ATP13A4: variants seen among roughly 807,000 people sequenced by gnomAD.
The protein encoded by ATP13A4 is ATPase 13A4.
A neutral mutation model predicts 142.5 loss-of-function variants in ATP13A4; 114 were observed. The ratio of observed to expected loss-of-function variants is 0.80; its 90% CI spans 0.69 to 0.93. The LOEUF is 0.93. ATP13A4 is among the 40% of genes least tolerant of loss of function. ATP13A4 has a pLI of 0.00. For synonymous variants in ATP13A4, 488 were observed against 514.8 expected (o/e 0.95, Z 0.70); for missense variants, 1,392 against 1,454.0 (o/e 0.96, Z 0.69).
intron 25 of ATP13A4, among the ~76,000 whole-genome samples, chr3:193,420,508 T>A (rs1715352119): frequency 6.7e-6 from 1 of 149,742 alleles, no homozygotes; most frequent in Admixed American, 6.9e-5. Flanking sequence ...AATTCTCCAG[T>A]AACTGACCCC....
intron 1 of ATP13A4, among the ~76,000 whole-genome samples, chr3:193,554,033 G>A (rs768560274): frequency 1.3e-5 from 2 of 152,154 alleles, no homozygotes; most frequent in Non-Finnish European, 2.9e-5. Context: ...ACTCTCTCTT[G>A]ATTATATTGT....
rs747935072 is a variant in ATP13A4 at position 193,465,142 on chromosome 3, A to C, written c.1273-14T>G. Reference sequence around the variant, plus strand: ...CTCTGGAGGTTCCTGGACGACAGTCATTCTTTAATTATTACAGACAAATCT... The same window carrying C: ...CTCTGGAGGTTCCTGGACGACAGTCCTTCTTTAATTATTACAGACAAATCT... On this transcript the variant is annotated splice_polypyrimidine_tract_variant and intron_variant, in intron 11 of 29. Transcript: ENST00000342695. 6.2e-7 allele frequency: 1 copy of C among 1,612,480 alleles called. No homozygotes were observed. The highest frequency in any genetic ancestry group is 1.3e-5 in the African/African-American group (1 of 74,812).
chr3:193,559,735 C>T (rs147457505), upstream of ATP13A4, among the ~76,000 whole-genome samples: 3 of 152,286 alleles, frequency 2.0e-5, no homozygotes, highest in East Asian at 5.8e-4. Flanking sequence ...GGTCTGTTCT[C>T]CCAGTGCCTT....
chr3:193,485,497 A>G (rs1433556293), intron 7 of ATP13A4, among the ~76,000 whole-genome samples: 1 of 152,232 alleles, frequency 6.6e-6, no homozygotes, highest in Non-Finnish European at 1.5e-5. Flanking sequence ...GGAGACGTCC[A>G]GAGGCTGAGT....
chr3:193,480,829 C>T (rs2108656170), intron 8 of ATP13A4, among the ~76,000 whole-genome samples: 1 of 152,268 alleles, frequency 6.6e-6, no homozygotes. Flanking sequence ...CTTGCATGTG[C>T]ATGTCTAGAG....
At chr3:193,554,462 G>A (rs968831952) in intron 1 of ATP13A4, 2 of 508,980 alleles carry the variant, frequency 3.9e-6, no homozygotes. Context: ...TAAAGTGCAT[G>A]GTGCTTCTCT....
chr3:193,529,581 T>G (rs550433646), intron 1 of ATP13A4, among the ~76,000 whole-genome samples: 46 of 150,978 alleles, frequency 3.0e-4, no homozygotes, highest in African/African-American at 1.1e-3. Context: ...TGTGCAAGAG[T>G]GCCAAAATGC....
At chr3:193,570,302 T>C (rs960625245) in intron 2 of ATP13A4, among the ~76,000 whole-genome samples, 5 of 152,168 alleles carry the variant, frequency 3.3e-5, no homozygotes, top group Non-Finnish European at 5.9e-5. Flanking sequence ...GCCTGGGCAA[T>C]AGATTGAGAC....
chr3:193,527,852 G>C (rs1225183698), intron 1 of ATP13A4, among the ~76,000 whole-genome samples: 1 of 152,134 alleles, frequency 6.6e-6, no homozygotes, highest in Non-Finnish European at 1.5e-5. Context: ...TTGTCCATCT[G>C]TAACAGAGAG....
intron 10 of ATP13A4, among the ~76,000 whole-genome samples, chr3:193,467,092 C>T (rs1718335433): frequency 6.6e-6 from 1 of 151,970 alleles, no homozygotes; most frequent in Admixed American, 6.6e-5. Flanking sequence ...GGAATAGATA[C>T]CCCCTTCTCC....
At chr3:193,452,872 G>A (rs1717364863) in intron 17 of ATP13A4, among the ~76,000 whole-genome samples, 1 of 151,202 alleles carries the variant, frequency 6.6e-6, no homozygotes, top group Admixed American at 6.6e-5. Context: ...TAAACACAAA[G>A]TATTTTTCAC....
At chr3:193,589,094 T>C (rs1407963787) in intron 1 of ATP13A4, among the ~76,000 whole-genome samples, 4 of 152,076 alleles carry the variant, frequency 2.6e-5, no homozygotes, top group African/African-American at 4.8e-5. Context: ...GAGCCGAGAT[T>C]GTGCCACTGC....
intron 1 of ATP13A4, among the ~76,000 whole-genome samples, chr3:193,522,194 T>C (rs1220675251): frequency 6.6e-6 from 1 of 152,208 alleles, no homozygotes; most frequent in African/African-American, 2.4e-5. Context: ...TGTCAGCTAC[T>C]GCCTATGGAA....
intron 17 of ATP13A4, among the ~76,000 whole-genome samples, chr3:193,450,289 C>T (rs1160636078): frequency 6.6e-6 from 1 of 152,182 alleles, no homozygotes; most frequent in Admixed American, 6.5e-5. Flanking sequence ...GTGCTCAACA[C>T]CACTCATGCG....
Position 193,466,407 on chromosome 3 carries a change from A to G in ATP13A4, c.1115-225T>C, listed in dbSNP as rs936426505. On this transcript the variant is annotated intron_variant, in intron 10 of 29. Coordinates refer to ENST00000342695, the MANE Select transcript of ATP13A4 (RefSeq NM_032279.4). The stretch of plus-strand genomic sequence containing the variant: ...TTCCTTCCCTCTACTTCCAATTTCA[A>G]TGCATCCTGGAGATAGAAAACCGCC... 1.8e-4 allele frequency among the ~76,000 whole-genome samples: 27 copies of G among 152,216 alleles called. 2 individuals carry two copies. Among genetic ancestry groups the G allele is most frequent in the Admixed American group, 6.5e-4 (10 of 15,280 alleles).
chr3:193,532,378 C>T (rs1204706630), intron 1 of ATP13A4, among the ~76,000 whole-genome samples: 3 of 148,812 alleles, frequency 2.0e-5, no homozygotes, highest in Non-Finnish European at 4.4e-5. Context: ...TCTTTCTATT[C>T]ACTGTGGCAT....
At chr3:193,424,346 G>A (rs1715549542) in intron 25 of ATP13A4, among the ~76,000 whole-genome samples, 2 of 148,700 alleles carry the variant, frequency 1.3e-5, no homozygotes, top group Non-Finnish European at 3.0e-5. Flanking sequence ...AAATGTATAG[G>A]GACCACAAAA....
intron 1 of ATP13A4, among the ~76,000 whole-genome samples, chr3:193,542,518 C>T (rs1316573868): frequency 1.3e-5 from 2 of 151,954 alleles, no homozygotes; most frequent in Non-Finnish European, 2.9e-5. Context: ...TCCCCATAGC[C>T]AAGACAATCC....
chr3:193,522,801 G>A (rs1452483433), intron 1 of ATP13A4, among the ~76,000 whole-genome samples: 1 of 152,186 alleles, frequency 6.6e-6, no homozygotes, highest in East Asian at 1.9e-4. Context: ...GTTTCTACAG[G>A]CATCATCCTA....
Sources: gnomAD v4.1 joint callset for allele counts (sites outside exome capture counted in the v4.1 genomes callset) on GRCh38, gnomAD v4.1.1 for gene constraint, MANE v1.5 for transcripts, NCBI Gene and HGNC (gene_info 2026-07-23, HGNC 2026-07-21) for gene names.